The following DLGAP2 variants were observed in gnomAD, a reference collection of about 807,000 sequenced individuals.
DLGAP2 encodes DLG associated protein 2.
A neutral mutation model predicts 100.3 loss-of-function variants in DLGAP2; 26 were observed. The observed-to-expected ratio is 0.26, with a 90% CI of 0.19 to 0.36. The LOEUF is 0.36. Ranked by LOEUF, DLGAP2 falls within the 10% of genes least tolerant of loss-of-function variation. The pLI is 1.00. For synonymous variants in DLGAP2, 886 were observed against 630.1 expected (o/e 1.41, Z -6.08); for missense variants, 1,858 against 1,453.2 (o/e 1.28, Z -4.53).
chr8:1,596,273 T>G (rs779795404), intron 6 of DLGAP2, among the ~76,000 whole-genome samples: 28 of 152,232 alleles, frequency 1.8e-4, no homozygotes, highest in Non-Finnish European at 3.7e-4. Flanking sequence ...AGTTTATCAT[T>G]GATGGTCATT....
intron 3 of DLGAP2, among the ~76,000 whole-genome samples, chr8:1,496,172 T>C (rs974115670): frequency 2.6e-5 from 4 of 152,164 alleles, no homozygotes; most frequent in African/African-American, 9.7e-5. Flanking sequence ...ATCATTTCTT[T>C]CCTCTCTTCT....
chr8:755,532 C>CTT (rs1397568704), intron 1 of DLGAP2, among the ~76,000 whole-genome samples: 1 of 152,150 alleles, frequency 6.6e-6, no homozygotes, highest in African/African-American at 2.4e-5. Flanking sequence ...TAACTGAGCT[C>CTT]TGACTGTGGG....
intron 1 of DLGAP2, among the ~76,000 whole-genome samples, chr8:829,037 T>TA (rs1459483982): frequency 6.6e-6 from 1 of 152,256 alleles, no homozygotes; most frequent in Non-Finnish European, 1.5e-5. Context: ...TGTTTAGCTT[T>TA]GACAAACCTG....
At chr8:1,558,852 C>T (rs1802064384) in intron 5 of DLGAP2, among the ~76,000 whole-genome samples, 1 of 130,400 alleles carries the variant, frequency 7.7e-6, no homozygotes, top group African/African-American at 2.5e-5. Flanking sequence ...CATATACCTG[C>T]ACACACACAT....
At chr8:983,812 A>AT (rs1244159034) in intron 2 of DLGAP2, among the ~76,000 whole-genome samples, 5 of 151,710 alleles carry the variant, frequency 3.3e-5, no homozygotes, top group Admixed American at 6.6e-5. Context: ...TGCCTGGCTA[A>AT]TTTTTTTTGT....
intron 2 of DLGAP2, among the ~76,000 whole-genome samples, chr8:1,084,324 C>T (rs923775423): frequency 2.0e-5 from 3 of 152,174 alleles, no homozygotes; most frequent in African/African-American, 4.8e-5. Flanking sequence ...TTTATGAATC[C>T]AGCATAGAAC....
chr8:1,166,212 C>T (rs1256251728), intron 2 of DLGAP2, among the ~76,000 whole-genome samples: 2 of 152,132 alleles, frequency 1.3e-5, no homozygotes, highest in African/African-American at 2.4e-5. Flanking sequence ...TAAACAAATG[C>T]CTGCACCACA....
chr8:1,557,006 A>T, intron 5 of DLGAP2, among the ~76,000 whole-genome samples: 1 of 151,186 alleles, frequency 6.6e-6, no homozygotes, highest in Non-Finnish European at 1.5e-5. Flanking sequence ...GAGCACAGCC[A>T]TGCACCCAGC....
intron 13 of DLGAP2, among the ~76,000 whole-genome samples, chr8:1,695,936 G>T (rs1021160766): frequency 2.0e-5 from 3 of 152,238 alleles, no homozygotes; most frequent in African/African-American, 7.2e-5. Context: ...AAGTGCCTGG[G>T]GGGGCTTTGA....
chr8:1,112,038 G>A (rs1288521793), intron 2 of DLGAP2, among the ~76,000 whole-genome samples: 11 of 152,058 alleles, frequency 7.2e-5, no homozygotes. Flanking sequence ...GTGTATAAGT[G>A]TTCCTTTTTC....
intron 3 of DLGAP2, among the ~76,000 whole-genome samples, chr8:1,288,294 G>T (rs1389197178): frequency 2.7e-5 from 4 of 147,904 alleles, no homozygotes; most frequent in African/African-American, 1.0e-4. Flanking sequence ...GGTTCAGCGT[G>T]TGTGTGTGTG....
rs558578732 is a variant in DLGAP2, at chr8:1,545,278, G to T, written c.173-3348G>T. Among the ~76,000 whole-genome samples the T allele has an allele frequency of 5.9e-5, 9 of 152,220 alleles. No homozygotes were observed. The South Asian group carries it at 1.9e-3, about 32-fold the overall frequency. Reference sequence around the variant, plus strand: ...TGGTCCTGAACTTTTCGTCCCACAAGCACGGCGTGCACCCTGTAAACATTT... The same window carrying T: ...TGGTCCTGAACTTTTCGTCCCACAATCACGGCGTGCACCCTGTAAACATTT... On this transcript the variant is annotated intron_variant, in intron 4 of 14. Transcript: ENST00000637795.
chr8:1,497,307 G>A (rs1288670850), intron 3 of DLGAP2, among the ~76,000 whole-genome samples: 1 of 152,216 alleles, frequency 6.6e-6, no homozygotes, highest in Non-Finnish European at 1.5e-5. Context: ...CATGGGATGG[G>A]ATAGCGTCCA....
intron 1 of DLGAP2, among the ~76,000 whole-genome samples, chr8:815,086 TAGAA>T (rs1395042226): frequency 3.3e-5 from 5 of 151,912 alleles, no homozygotes; most frequent in African/African-American, 1.2e-4. Context: ...AAGGAGGTAA[TAGAA>T]AGGGGGGTGT....
chr8:1,361,207 T>C (rs1226753895), intron 3 of DLGAP2, among the ~76,000 whole-genome samples: 1 of 152,136 alleles, frequency 6.6e-6, no homozygotes, highest in African/African-American at 2.4e-5. Context: ...TGCAAATGTG[T>C]AGCCCTGACC....
chr8:1,528,611 C>G (rs1000723199), intron 4 of DLGAP2, among the ~76,000 whole-genome samples: 2 of 152,248 alleles, frequency 1.3e-5, no homozygotes, highest in Admixed American at 6.5e-5. Context: ...GCTCTGTCTC[C>G]TGTCACCACC....
At chr8:745,985 C>G (rs1260830276) in intron 1 of DLGAP2, among the ~76,000 whole-genome samples, 1 of 152,218 alleles carries the variant, frequency 6.6e-6, no homozygotes, top group African/African-American at 2.4e-5. Flanking sequence ...CCCCTCACGG[C>G]CTGCTCAGGC....
chr8:1,105,344 G>A (rs1804721700), intron 2 of DLGAP2, among the ~76,000 whole-genome samples: 1 of 152,166 alleles, frequency 6.6e-6, no homozygotes, highest in South Asian at 2.1e-4. Context: ...CATGTTGTGG[G>A]GATTAACCTT....
chr8:1,212,872 A>C (rs1181252183), intron 2 of DLGAP2, among the ~76,000 whole-genome samples: 2 of 150,304 alleles, frequency 1.3e-5, no homozygotes, highest in African/African-American at 4.9e-5. Context: ...AAAACATCAC[A>C]TATCTCTTAG....
Sources: gnomAD v4.1 joint callset for allele counts (sites outside exome capture counted in the v4.1 genomes callset) on GRCh38, gnomAD v4.1.1 for gene constraint, MANE v1.5 for transcripts, NCBI Gene and HGNC (gene_info 2026-07-23, HGNC 2026-07-21) for gene names.